Variants in PLEKHA7 observed in about 807,000 individuals in gnomAD.
The protein encoded by PLEKHA7 is pleckstrin homology domain-containing family A member 7.
Under a neutral mutation model 170.0 loss-of-function variants are expected in PLEKHA7, and 104 were observed. That is an observed-to-expected ratio of 0.61 (90% CI 0.52 to 0.72). The LOEUF is 0.72. Ranked by LOEUF, PLEKHA7 falls within the 30% of genes least tolerant of loss-of-function variation. PLEKHA7 has a pLI of 0.00. For synonymous variants in PLEKHA7, 648 were observed against 660.8 expected, an observed-to-expected ratio of 0.98 and a Z score of 0.30; for missense variants, 1,615 against 1,671.7, an observed-to-expected ratio of 0.97 and a Z score of 0.59.
chr11:17,011,480 T>C (rs1426933280), intron 3 of PLEKHA7, among the ~76,000 whole-genome samples: 1 of 152,180 alleles, frequency 6.6e-6, no homozygotes, highest in African/African-American at 2.4e-5. Context: ...CAAAACTACC[T>C]GGAAGATTTG....
At chr11:16,933,007 T>C (rs1335192609) in intron 3 of PLEKHA7, among the ~76,000 whole-genome samples, 1 of 152,134 alleles carries the variant, frequency 6.6e-6, no homozygotes, top group Non-Finnish European at 1.5e-5. Context: ...TAGGAAGCCA[T>C]GGAAGGGTTT....
intron 3 of PLEKHA7, among the ~76,000 whole-genome samples, chr11:16,925,384 G>A (rs1313730795): frequency 6.6e-6 from 1 of 152,078 alleles, no homozygotes; most frequent in Non-Finnish European, 1.5e-5. Context: ...CGGCTCCCTC[G>A]CTCATGGCTG....
chr11:16,870,984 A>T, intron 4 of PLEKHA7, 115 bp downstream of exon 4: 1 of 701,812 alleles, frequency 1.4e-6, no homozygotes, highest in East Asian at 3.1e-5. Flanking sequence ...CAACCAACCC[A>T]CTCACCCCAA....
At position 16,920,673 on chromosome 11, in the gene PLEKHA7, A is replaced by T. The variant is rs77720334; in HGVS notation, c.222-49491T>A. Reference sequence around the variant, plus strand: ...TGGAGTCCAGTCTCTGCCATTACATATCTGACTACCTGACTTCAGACGTGT... The same window carrying T: ...TGGAGTCCAGTCTCTGCCATTACATTTCTGACTACCTGACTTCAGACGTGT... On this transcript the variant is annotated intron_variant, in intron 3 of 26. Coordinates refer to ENST00000531066, the MANE Select transcript of PLEKHA7 (RefSeq NM_001329630.2). Among the ~76,000 whole-genome samples the T allele has an allele frequency of 1.0e-2, 1,516 of 152,332 alleles. 30 individuals carry two copies. The highest frequency in any genetic ancestry group is 0.034 in the African/African-American group (1,423 of 41,566).
intron 12 of PLEKHA7, 98 bp from the exon 13 acceptor site, chr11:16,813,264 G>C: frequency 9.2e-7 from 1 of 1,082,178 alleles, no homozygotes; most frequent in East Asian, 2.5e-5. Context: ...GTGCAGCTTT[G>C]GGAACAAGGA....
intron 4 of PLEKHA7, among the ~76,000 whole-genome samples, chr11:16,859,597 T>C (rs1319441134): frequency 6.6e-6 from 1 of 152,240 alleles, no homozygotes. Flanking sequence ...GAGGACATTC[T>C]GATACATTTG....
intron 3 of PLEKHA7, among the ~76,000 whole-genome samples, chr11:16,907,306 G>C (rs1249453058): frequency 7.6e-5 from 11 of 144,402 alleles, no homozygotes; most frequent in Admixed American, 7.4e-4. Context: ...CGGGAGGTGA[G>C]GGGCGCCTCT....
At chr11:16,980,575 T>C (rs1020278814) in intron 3 of PLEKHA7, among the ~76,000 whole-genome samples, 7 of 152,136 alleles carry the variant, frequency 4.6e-5, no homozygotes, top group African/African-American at 1.7e-4. Context: ...ATGCTGTTCT[T>C]TGAGGTAGTT....
chr11:16,797,696 T>C (rs1848328596), intron 17 of PLEKHA7, among the ~76,000 whole-genome samples: 1 of 152,158 alleles, frequency 6.6e-6, no homozygotes, highest in South Asian at 2.1e-4. Context: ...ACAGGTGTAT[T>C]ACCGAGCCCA....
At position 16,933,896 on chromosome 11, in the gene PLEKHA7, G is replaced by C. The variant is rs189140323; in HGVS notation, c.222-62714C>G. On this transcript the variant is annotated intron_variant, in intron 3 of 26. Transcript: ENST00000531066. ...CAGCACAAGATTGTAACTTGTTCAA[G>C]GCTGAGAGCACGCTGCCCAGGCAAC... is the stretch of plus-strand genomic sequence containing the variant. 1.6e-3 allele frequency among the ~76,000 whole-genome samples: 242 copies of C among 152,302 alleles called. 1 individual carries two copies. The highest frequency in any genetic ancestry group is 1.2e-3 in the Non-Finnish European group (85 of 68,024).
intron 3 of PLEKHA7, among the ~76,000 whole-genome samples, chr11:16,976,556 A>G (rs922706641): frequency 6.6e-6 from 1 of 152,204 alleles, no homozygotes; most frequent in Non-Finnish European, 1.5e-5. Context: ...AATTTCCCCA[A>G]CTTCTGTGAG....
intron 6 of PLEKHA7, among the ~76,000 whole-genome samples, chr11:16,854,327 T>A (rs754831953): frequency 9.2e-5 from 14 of 152,038 alleles, no homozygotes; most frequent in Non-Finnish European, 1.8e-4. Flanking sequence ...GGAAGGAGAA[T>A]CTGGTGATAG....
intron 3 of PLEKHA7, among the ~76,000 whole-genome samples, chr11:16,988,936 T>C (rs988468771): frequency 1.8e-4 from 27 of 152,168 alleles, no homozygotes; most frequent in Non-Finnish European, 1.5e-4. Flanking sequence ...CTCTTTTCCA[T>C]GTAAAATACC....
At chr11:16,948,881 G>C (rs75257050) in intron 3 of PLEKHA7, among the ~76,000 whole-genome samples, 2,611 of 152,288 alleles carry the variant, frequency 0.017, 91 homozygotes, top group African/African-American at 0.061. Context: ...CACAGGTCCT[G>C]TGGGTTTCAG....
rs1395147618 is a variant in PLEKHA7, at chr11:16,954,405, A to G, written c.221+59584T>C. On this transcript the variant is annotated intron_variant, in intron 3 of 26. Coordinates refer to ENST00000531066, the MANE Select transcript of PLEKHA7 (RefSeq NM_001329630.2). Reference sequence around the variant, plus strand: ...TTAAATTAGCCATGTGTGGTAGTGCACACCTATAGTCTCAGTTACTCAGGA... The same window carrying G: ...TTAAATTAGCCATGTGTGGTAGTGCGCACCTATAGTCTCAGTTACTCAGGA... 4.6e-5 allele frequency among the ~76,000 whole-genome samples: 7 copies of G among 152,112 alleles called. No homozygotes were observed. The East Asian group carries it at 1.4e-3, about 30-fold the overall frequency.
chr11:16,978,096 A>C (rs1590768441), intron 3 of PLEKHA7, among the ~76,000 whole-genome samples: 1 of 152,174 alleles, frequency 6.6e-6, no homozygotes, highest in African/African-American at 2.4e-5. Flanking sequence ...ACAAAGCCTG[A>C]ATTTACTCCA....
At chr11:16,823,000 T>TATTC in intron 10 of PLEKHA7, among the ~76,000 whole-genome samples, 1 of 151,924 alleles carries the variant, frequency 6.6e-6, no homozygotes, top group East Asian at 1.9e-4. Flanking sequence ...TTTATTTATT[T>TATTC]ATTTATTTTT....
intron 3 of PLEKHA7, among the ~76,000 whole-genome samples, chr11:16,973,692 C>CCTAT (rs1264914122): frequency 6.6e-6 from 1 of 152,166 alleles, no homozygotes; most frequent in East Asian, 1.9e-4. Flanking sequence ...GCAGCTGCTT[C>CCTAT]CTATGATGGG....
chr11:16,947,203 T>C (rs762958389), intron 3 of PLEKHA7, among the ~76,000 whole-genome samples: 6 of 152,232 alleles, frequency 3.9e-5, no homozygotes, highest in South Asian at 2.1e-4. Flanking sequence ...TAAGTATTGG[T>C]GAGGATGTGG....
Sources: gnomAD v4.1 joint callset for allele counts (sites outside exome capture counted in the v4.1 genomes callset) on GRCh38, gnomAD v4.1.1 for gene constraint, MANE v1.5 for transcripts, NCBI Gene and HGNC (gene_info 2026-07-23, HGNC 2026-07-21) for gene names.